Variants in USH2A observed in about 807,000 individuals in gnomAD.
USH2A encodes usherin.
A neutral mutation model predicts 538.9 loss-of-function variants in USH2A; 443 were observed. The observed-to-expected ratio is 0.82, with a 90% CI of 0.76 to 0.89. The LOEUF is 0.89. Ranked by LOEUF, USH2A falls within the 40% of genes least tolerant of loss-of-function variation. USH2A has a pLI of 0.00. For synonymous variants in USH2A, 2,413 were observed against 2,273.5 expected (o/e 1.06, Z -1.75); for missense variants, 6,633 against 6,324.8 (o/e 1.05, Z -1.65).
chr1:216,166,150 G>A (rs2034164920), intron 21 of USH2A, among the ~76,000 whole-genome samples: 2 of 152,044 alleles, frequency 1.3e-5, no homozygotes, highest in Admixed American at 1.3e-4. Flanking sequence ...AGGAGGCTGG[G>A]GTTGCTGGAA....
In USH2A at chr1:216,422,181, C is replaced by G. The variant is rs1394982484; in HGVS notation, c.156G>C (p.Val52=). The change falls in exon 2 of 72, where the codon GTG becomes GTC. Residue 52 remains valine (V), a synonymous_variant. Transcript: ENST00000307340. Reference sequence around the variant, plus strand: ...GGAGTCCACATACTGCTTGGGTTGGCACGATGGAAACTTTCTTGAAAGCTC... The same window carrying G: ...GGAGTCCACATACTGCTTGGGTTGGGACGATGGAAACTTTCTTGAAAGCTC... ...NVGAFKKVSI[V]PTQAVCGLPD... is the part of the protein sequence containing the mutation. 6.2e-7 allele frequency: 1 copy of G among 1,612,860 alleles called. No homozygotes were observed. Among genetic ancestry groups the G allele is most frequent in the African/African-American group, 1.3e-5 (1 of 74,818 alleles).
At chr1:215,977,890 C>T (rs573676369) in intron 35 of USH2A, among the ~76,000 whole-genome samples, 1 of 152,144 alleles carries the variant, frequency 6.6e-6, no homozygotes, top group Non-Finnish European at 1.5e-5. Flanking sequence ...TTTTGAGAAG[C>T]CAAGGCAAGT....
intron 12 of USH2A, among the ~76,000 whole-genome samples, chr1:216,249,706 A>ATTCTCT (rs2102549869): frequency 6.6e-6 from 1 of 152,262 alleles, no homozygotes; most frequent in South Asian, 2.1e-4. Context: ...ACACACCTAC[A>ATTCTCT]TTCTCTTTAT....
Position 216,415,792 on chromosome 1 carries a change from C to T in USH2A, c.651+2722G>A, listed in dbSNP as rs143199950. Among the ~76,000 whole-genome samples the T allele has an allele frequency of 2.7e-3, 409 of 152,150 alleles. 1 individual carries two copies. The highest frequency in any genetic ancestry group is 8.7e-3 in the African/African-American group (362 of 41,524). On this transcript the variant is annotated intron_variant, in intron 3 of 71. Coordinates refer to ENST00000307340, the MANE Select transcript of USH2A (RefSeq NM_206933.4). ...CCGTTCACTTCTACCTCCCAAAATGCTGGGATTACAGGCATGAACCACTGC... is the reference window on the plus strand; with the variant it reads ...CCGTTCACTTCTACCTCCCAAAATGTTGGGATTACAGGCATGAACCACTGC...
At chr1:216,149,995 A>T (rs1336827367) in intron 21 of USH2A, among the ~76,000 whole-genome samples, 1 of 152,128 alleles carries the variant, frequency 6.6e-6, no homozygotes, top group Non-Finnish European at 1.5e-5. Flanking sequence ...TCTGAAGAAC[A>T]GTAATAACCC....
chr1:215,999,967 A>G (rs1024990184), intron 33 of USH2A, among the ~76,000 whole-genome samples: 4 of 152,156 alleles, frequency 2.6e-5, no homozygotes, highest in Non-Finnish European at 2.9e-5. Flanking sequence ...GGAAATGGAC[A>G]AGAATCAGTA....
intron 20 of USH2A, among the ~76,000 whole-genome samples, chr1:216,177,989 G>T (rs1451686897): frequency 6.6e-6 from 1 of 152,096 alleles, no homozygotes; most frequent in Non-Finnish European, 1.5e-5. Flanking sequence ...CAAAGTCATT[G>T]CCTGTTTCAA....
rs778393739 is a variant in USH2A, at chr1:215,625,836, T to A, written c.15554A>T (p.Lys5185Met). Residue 5185 changes from lysine (K) to methionine (M), a missense_variant, in exon 72 of 72, where the codon AAG (lysine) becomes ATG (methionine). Lys to Met is a moderately conservative substitution (Grantham distance 95). Coordinates refer to ENST00000307340, the MANE Select transcript of USH2A (RefSeq NM_206933.4). The part of the protein sequence containing the change: ...VDEEDLMNAI[K>M]DFSSVTKERT... Reference sequence around the variant, plus strand: ...TTCCTTAGTCACTGAGCTGAAATCCTTGATGGCGTTCATCAGGTCCTCTTC... The same window carrying A: ...TTCCTTAGTCACTGAGCTGAAATCCATGATGGCGTTCATCAGGTCCTCTTC... 4.3e-6 allele frequency: 7 copies of A among 1,614,024 alleles called. No individual in the cohort carries two copies. The highest frequency in any genetic ancestry group is 5.1e-6 in the Non-Finnish European group (6 of 1,179,996).
At chr1:216,127,429 A>C (rs955124400) in intron 21 of USH2A, among the ~76,000 whole-genome samples, 3 of 152,168 alleles carry the variant, frequency 2.0e-5, no homozygotes, top group African/African-American at 7.2e-5. Flanking sequence ...TGAATCATAT[A>C]TATGTATCCA....
intron 41 of USH2A, among the ~76,000 whole-genome samples, chr1:215,880,180 T>G (rs1664870874): frequency 6.6e-6 from 1 of 152,166 alleles, no homozygotes; most frequent in African/African-American, 2.4e-5. Flanking sequence ...TGTACCCCTA[T>G]GCAAACCAAA....
At chr1:216,351,617 A>G (rs2038289019) in intron 4 of USH2A, among the ~76,000 whole-genome samples, 1 of 152,210 alleles carries the variant, frequency 6.6e-6, no homozygotes, top group Non-Finnish European at 1.5e-5. Flanking sequence ...ACAATAGAGC[A>G]TTTTGAGCAG....
intron 32 of USH2A, among the ~76,000 whole-genome samples, chr1:216,020,633 G>T (rs930782488): frequency 6.6e-6 from 1 of 152,010 alleles, no homozygotes; most frequent in Non-Finnish European, 1.5e-5. Context: ...TCAAAATAAG[G>T]GCTGTTCCCC....
At chr1:216,086,661 TA>T in intron 24 of USH2A, 57 bp downstream of exon 24, 1 of 1,311,276 alleles carries the variant, frequency 7.6e-7, no homozygotes. Context: ...TAAAATAATG[TA>T]AACAGGTTCT....
chr1:215,807,664 G>A (rs1662540843), intron 49 of USH2A, among the ~76,000 whole-genome samples: 1 of 152,056 alleles, frequency 6.6e-6, no homozygotes, highest in African/African-American at 2.4e-5. Flanking sequence ...TTAGAGAATT[G>A]CTTGGCCTCA....
intron 4 of USH2A, among the ~76,000 whole-genome samples, chr1:216,342,822 C>T (rs994281014): frequency 7.9e-5 from 12 of 152,092 alleles, no homozygotes; most frequent in South Asian, 2.1e-4. Flanking sequence ...GAACAATACA[C>T]ACCAGGGCCT....
chr1:216,174,987 C>T, intron 21 of USH2A: 1 of 1,284,186 alleles, frequency 7.8e-7, no homozygotes, highest in South Asian at 1.6e-5. Flanking sequence ...CACAAAAAGA[C>T]AAATACAAAG....
At chr1:216,043,493 A>T (rs1275080998) in intron 32 of USH2A, among the ~76,000 whole-genome samples, 1 of 152,076 alleles carries the variant, frequency 6.6e-6, no homozygotes, top group Non-Finnish European at 1.5e-5. Context: ...AAGATAGAAA[A>T]CCATTGAAGA....
intron 11 of USH2A, among the ~76,000 whole-genome samples, chr1:216,270,060 A>T (rs2036546705): frequency 6.6e-6 from 1 of 152,136 alleles, no homozygotes; most frequent in Non-Finnish European, 1.5e-5. Flanking sequence ...AATAAATTAG[A>T]TGAACACAGT....
chr1:216,380,074 T>C (rs2038901589), intron 3 of USH2A, among the ~76,000 whole-genome samples: 1 of 152,186 alleles, frequency 6.6e-6, no homozygotes, highest in African/African-American at 2.4e-5. Flanking sequence ...ATAAGGAATT[T>C]AGTTTTATTT....
Sources: allele counts gnomAD v4.1 joint callset (sites outside exome capture counted in the v4.1 genomes callset), GRCh38; gene constraint gnomAD v4.1.1; transcripts MANE v1.5; gene names NCBI Gene and HGNC (gene_info 2026-07-23, HGNC 2026-07-21).